Variants in ALDH1L1 observed in about 807,000 individuals in gnomAD.
ALDH1L1 encodes the protein cytosolic 10-formyltetrahydrofolate dehydrogenase.
A neutral mutation model predicts 101.1 loss-of-function variants in ALDH1L1; 68 were observed. The ratio of observed to expected loss-of-function variants is 0.67; its 90% confidence interval spans 0.55 to 0.82. ALDH1L1 has a LOEUF of 0.82. Ranked by LOEUF, ALDH1L1 falls within the 40% of genes least tolerant of loss-of-function variation. The pLI is 0.00. For missense variants in ALDH1L1, 1,087 were observed against 1,172.7 expected (o/e 0.93, Z 1.07); for synonymous variants, 486 against 470.8 (o/e 1.03, Z -0.42).
intron 1 of ALDH1L1, among the ~76,000 whole-genome samples, chr3:126,172,265 T>C (rs1233780230): frequency 1.3e-5 from 2 of 152,202 alleles, no homozygotes; most frequent in Non-Finnish European, 2.9e-5. Context: ...GGAAGCAATG[T>C]TGGAATTTTC....
intron 12 of ALDH1L1, among the ~76,000 whole-genome samples, chr3:126,134,471 C>G (rs2080382084): frequency 6.6e-6 from 1 of 152,192 alleles, no homozygotes; most frequent in Admixed American, 6.5e-5. Context: ...TCCAGGAACT[C>G]TAGGGACCAC....
chr3:126,195,704 A>G (rs1276538340), intron 1 of ALDH1L1, among the ~76,000 whole-genome samples: 2 of 152,244 alleles, frequency 1.3e-5, no homozygotes, highest in Non-Finnish European at 2.9e-5. Context: ...AAAGACTTGG[A>G]ACCAACCTAA....
At chr3:126,144,294 A>T (rs753399761) in intron 9 of ALDH1L1, among the ~76,000 whole-genome samples, 16 of 152,220 alleles carry the variant, frequency 1.1e-4, no homozygotes, top group Non-Finnish European at 1.9e-4. Flanking sequence ...GCCCAAAGTT[A>T]TGTACAATTT....
chr3:126,114,521 C>T (rs781444478), intron 18 of ALDH1L1, 36 bp downstream of exon 18: 4 of 1,455,142 alleles, frequency 2.7e-6, no homozygotes, highest in Non-Finnish European at 3.6e-6. Context: ...CCTGTTCCCG[C>T]TCACTGTCCC....
chr3:126,153,957 G>A (rs1480702613), intron 6 of ALDH1L1, among the ~76,000 whole-genome samples: 3 of 152,236 alleles, frequency 2.0e-5, no homozygotes, highest in Non-Finnish European at 4.4e-5. Context: ...AGATGCATTT[G>A]CTAGTACAAA....
intron 19 of ALDH1L1, among the ~76,000 whole-genome samples, chr3:126,112,279 G>A (rs1389174176): frequency 7.2e-5 from 11 of 152,162 alleles, no homozygotes; most frequent in Admixed American, 5.9e-4. Context: ...CCCTGCTGGC[G>A]GCCCACAGCC....
At chr3:126,158,185 G>C (rs1358037698) in intron 3 of ALDH1L1, among the ~76,000 whole-genome samples, 2 of 152,154 alleles carry the variant, frequency 1.3e-5, no homozygotes, top group Non-Finnish European at 2.9e-5. Context: ...TGGGAATGCA[G>C]AGTGCTTAGC....
Position 126,131,634 on chromosome 3 carries a change from A to G in ALDH1L1, c.1473-100T>C, listed in dbSNP as rs1576438261. ...TCAAGGAGCTGGGGTCCTGCCCTCT[A>G]CCCCAGTTCTGCCACTCTCAGATGT... On this transcript the variant is annotated intron_variant, in intron 12 of 22. Transcript: ENST00000393434. 7 of 1,357,072 alleles carry G rather than the reference A, an allele frequency of 5.2e-6. No individual in the cohort carries two copies. In the South Asian group the frequency reaches 8.9e-5, roughly 17 times the overall value. The allele number at this position is 1,357,072 out of a possible 1,614,324, so 84.1% of individuals were successfully genotyped here. A position where few individuals can be genotyped will look rare whatever the true frequency, so the allele number is the denominator to read the frequency against.
At chr3:126,184,738 T>C (rs371667825), upstream of ALDH1L1, among the ~76,000 whole-genome samples, 5 of 152,200 alleles carry the variant, frequency 3.3e-5, no homozygotes, top group Non-Finnish European at 5.9e-5. Flanking sequence ...CTCTTTCTGT[T>C]GTATAATGAT....
chr3:126,134,203 G>GCA (rs1349327396), intron 12 of ALDH1L1, among the ~76,000 whole-genome samples: 8 of 152,308 alleles, frequency 5.3e-5, no homozygotes, highest in African/African-American at 1.9e-4. Flanking sequence ...CCAGTAATGG[G>GCA]CACTCCCAGG....
At chr3:126,117,884 G>C in intron 17 of ALDH1L1, 121 bp downstream of exon 17, 1 of 983,084 alleles carries the variant, frequency 1.0e-6, no homozygotes, top group Non-Finnish European at 1.5e-6. Flanking sequence ...AGCCCAGCAG[G>C]GCCACGGAAG....
intron 1 of ALDH1L1, among the ~76,000 whole-genome samples, chr3:126,167,430 A>G (rs867673542): frequency 4.6e-5 from 7 of 152,226 alleles, no homozygotes; most frequent in Admixed American, 3.9e-4. Context: ...TTCATTGTAC[A>G]AACATATTCA....
Position 126,124,407 on chromosome 3 carries a change from C to T in ALDH1L1, c.1845G>A (p.Lys615=), listed in dbSNP as rs763536298. Residue 615 remains lysine (K), a synonymous_variant, in exon 16 of 23, where the codon AAG becomes AAA. Transcript: ENST00000393434. Reference sequence around the variant, plus strand: ...TAACCACACCTTTGGGAATGCCGGCCTTTAATGTCAGCTCTGCAAACTTCA... The same window carrying T: ...TAACCACACCTTTGGGAATGCCGGCTTTTAATGTCAGCTCTGCAAACTTCA... ...TALKFAELTL[K]AGIPKGVVNV... is the part of the protein sequence containing the mutation. 6.2e-6 allele frequency: 10 copies of T among 1,612,472 alleles called. No individual in the cohort carries two copies. In the Middle Eastern group the frequency reaches 4.9e-4, roughly 80 times the overall value.
chr3:126,147,157 C>T (rs2080709826), intron 8 of ALDH1L1, among the ~76,000 whole-genome samples: 1 of 152,196 alleles, frequency 6.6e-6, no homozygotes, highest in Admixed American at 6.5e-5. Flanking sequence ...GGCTGCTGTC[C>T]TCATGCCCAC....
chr3:126,164,865 T>C (rs980160254), intron 1 of ALDH1L1, among the ~76,000 whole-genome samples: 1 of 152,230 alleles, frequency 6.6e-6, no homozygotes, highest in African/African-American at 2.4e-5. Context: ...CGTTGTTTTC[T>C]CTATAGCCTC....
At chr3:126,189,641 A>T (rs370487413) in intron 1 of ALDH1L1, among the ~76,000 whole-genome samples, 1 of 152,312 alleles carries the variant, frequency 6.6e-6, no homozygotes, top group African/African-American at 2.4e-5. Flanking sequence ...GAGGGACTTG[A>T]TTGTTCTCAG....
chr3:126,109,067 C>T (rs1197663521), intron 20 of ALDH1L1, among the ~76,000 whole-genome samples: 1 of 152,214 alleles, frequency 6.6e-6, no homozygotes, highest in Non-Finnish European at 1.5e-5. Context: ...TGGGACAATT[C>T]TCAGATTTGA....
chr3:126,164,175 G>A (rs1207073581), intron 1 of ALDH1L1, among the ~76,000 whole-genome samples: 1 of 151,958 alleles, frequency 6.6e-6, no homozygotes, highest in Non-Finnish European at 1.5e-5. Context: ...GGGCAGGGCA[G>A]GGTGAGGCAG....
intron 16 of ALDH1L1, 57 bp from the exon 17 acceptor site, chr3:126,118,155 G>A (rs1195971228): frequency 3.3e-5 from 47 of 1,425,574 alleles, no homozygotes; most frequent in South Asian, 2.5e-4. Flanking sequence ...GGGGAGGCAG[G>A]AGCCCACCTC....
Sources: allele counts gnomAD v4.1 joint callset (sites outside exome capture counted in the v4.1 genomes callset), GRCh38; gene constraint gnomAD v4.1.1; transcripts MANE v1.5; gene names NCBI Gene and HGNC (gene_info 2026-07-23, HGNC 2026-07-21).